The following FBXW11 variants were observed in gnomAD, a reference collection of about 807,000 sequenced individuals.
The protein encoded by FBXW11 is F-box/WD repeat-containing protein 11.
In FBXW11, 19 loss-of-function variants were observed where a neutral mutation model predicts 77.6. The ratio of observed to expected loss-of-function variants is 0.24; its 90% CI spans 0.17 to 0.36. The LOEUF (loss-of-function observed/expected upper bound fraction) is 0.36, where lower values mean the gene tolerates loss of function less well. Ranked by LOEUF, FBXW11 falls within the 10% of genes least tolerant of loss-of-function variation. FBXW11 has a pLI of 1.00. For missense variants in FBXW11, 334 were observed against 704.2 expected (o/e 0.47, Z 5.95); for synonymous variants, 235 against 249.4 (o/e 0.94, Z 0.54).
chr5:171,985,084 C>T (rs1056052898), intron 1 of FBXW11, among the ~76,000 whole-genome samples: 1 of 152,198 alleles, frequency 6.6e-6, no homozygotes, highest in African/African-American at 2.4e-5. Flanking sequence ...CAGTCATCCA[C>T]TCTACATCTA....
chr5:171,878,513 A>ATG (rs1758255258), intron 7 of FBXW11, among the ~76,000 whole-genome samples: 1 of 151,638 alleles, frequency 6.6e-6, no homozygotes, highest in East Asian at 1.9e-4. Context: ...CAGAAGTTAA[A>ATG]AGACCAGCCT....
chr5:171,952,447 A>ATTTT (rs1164383563), intron 2 of FBXW11, among the ~76,000 whole-genome samples: 16 of 6,948 alleles, frequency 2.3e-3, no homozygotes, highest in Non-Finnish European at 3.2e-3. Flanking sequence ...ATATATATAT[A>ATTTT]TTTTTTTTTT....
intron 2 of FBXW11, among the ~76,000 whole-genome samples, chr5:171,944,176 T>C (rs1762883266): frequency 6.6e-6 from 1 of 152,150 alleles, no homozygotes; most frequent in Non-Finnish European, 1.5e-5. Flanking sequence ...ACACTCATTC[T>C]ATTAAGTATA....
chr5:171,884,440 T>C (rs1758741076), intron 7 of FBXW11, among the ~76,000 whole-genome samples: 1 of 152,234 alleles, frequency 6.6e-6, no homozygotes, highest in Non-Finnish European at 1.5e-5. Context: ...TTGGTGACTA[T>C]AAGCACTATA....
chr5:171,993,409 C>G (rs764353210), intron 1 of FBXW11, among the ~76,000 whole-genome samples: 15 of 152,022 alleles, frequency 9.9e-5, no homozygotes, highest in Admixed American at 5.9e-4. Flanking sequence ...GTCAAGAGAT[C>G]GAGACCATCC....
chr5:171,945,093 AAAAC>A (rs756469117), intron 2 of FBXW11, among the ~76,000 whole-genome samples: 1 of 152,242 alleles, frequency 6.6e-6, no homozygotes, highest in Non-Finnish European at 1.5e-5. Flanking sequence ...AGACAGGAGG[AAAAC>A]AAACAAACAT....
At chr5:171,922,339 T>C (rs1202338404) in intron 2 of FBXW11, among the ~76,000 whole-genome samples, 3 of 152,178 alleles carry the variant, frequency 2.0e-5, no homozygotes, top group Non-Finnish European at 4.4e-5. Context: ...CATAGAACAA[T>C]GACTGGTAAA....
intron 1 of FBXW11, among the ~76,000 whole-genome samples, chr5:171,977,389 A>C (rs1267623057): frequency 6.6e-6 from 1 of 152,154 alleles, no homozygotes; most frequent in Non-Finnish European, 1.5e-5. Flanking sequence ...TAAATTACCC[A>C]GTCTCAGGTA....
intron 1 of FBXW11, among the ~76,000 whole-genome samples, chr5:171,996,340 T>A (rs1209443704): frequency 6.6e-6 from 1 of 152,182 alleles, no homozygotes; most frequent in Non-Finnish European, 1.5e-5. Context: ...TATTTCCTAT[T>A]AGACTATGAA....
intron 4 of FBXW11, 55 bp from the exon 5 acceptor site, chr5:171,900,155 C>A: frequency 7.1e-7 from 1 of 1,411,354 alleles, no homozygotes; most frequent in Non-Finnish European, 9.6e-7. Context: ...AAGGTACCAG[C>A]CATCATTTCC....
chr5:171,891,446 A>AT, intron 7 of FBXW11, 21 bp downstream of exon 7: 2 of 1,563,956 alleles, frequency 1.3e-6, no homozygotes, highest in Non-Finnish European at 1.7e-6. Context: ...AAAATAATAC[A>AT]TAAAAAATTC....
intron 2 of FBXW11, among the ~76,000 whole-genome samples, chr5:171,924,123 C>T (rs1761758978): frequency 6.6e-6 from 1 of 151,672 alleles, no homozygotes; most frequent in African/African-American, 2.4e-5. Flanking sequence ...GGAGTTTCAC[C>T]ATGTTGGCCA....
chr5:171,891,640 G>T, intron 6 of FBXW11, 36 bp from the exon 7 acceptor site: 2 of 1,598,534 alleles, frequency 1.3e-6, no homozygotes, highest in Non-Finnish European at 1.7e-6. Context: ...GAGTTTTTAT[G>T]AATCAACTTA....
intron 2 of FBXW11, among the ~76,000 whole-genome samples, chr5:171,929,110 C>A (rs894676147): frequency 1.3e-5 from 2 of 150,196 alleles, no homozygotes; most frequent in Admixed American, 1.3e-4. Flanking sequence ...TGGCTCAAGT[C>A]TGTAATCCCA....
At chr5:171,940,705 C>T (rs1762706395) in intron 2 of FBXW11, among the ~76,000 whole-genome samples, 2 of 152,048 alleles carry the variant, frequency 1.3e-5, no homozygotes, top group South Asian at 4.1e-4. Flanking sequence ...CTGACCAACA[C>T]AGTGAAACCC....
At chr5:171,930,762 T>TAAAAAAAAAAAAAAAAAAAAAAAA (rs59700625) in intron 2 of FBXW11, among the ~76,000 whole-genome samples, 1 of 126,544 alleles carries the variant, frequency 7.9e-6, no homozygotes, top group Non-Finnish European at 1.7e-5. Context: ...AATAAAAAAA[T>TAAAAAAAAAAAAAAAAAAAAAAAA]AAAAAAAAAA....
Position 171,957,680 on chromosome 5 carries a change from A to G in FBXW11, c.64T>C (p.Leu22=), listed in dbSNP as rs777894969. 6.2e-7 allele frequency: 1 copy of G among 1,614,148 alleles called. No individual in the cohort carries two copies. The highest frequency in any genetic ancestry group is 8.5e-7 in the Non-Finnish European group (1 of 1,179,986). ...IELMCSVPRS[L]WLGCANLVES... is the part of the protein sequence containing the mutation. Reference sequence around the variant, plus strand: ...ACCAGGTTGGCGCAGCCTAGCCACAAAGACCTTGGCACAGAACACTGCAGG... The same window carrying G: ...ACCAGGTTGGCGCAGCCTAGCCACAGAGACCTTGGCACAGAACACTGCAGG... The change falls in exon 2 of 14, where the codon TTG becomes CTG. Residue 22 remains leucine, a synonymous_variant. Coordinates refer to ENST00000517395, the MANE Select transcript of FBXW11 (RefSeq NM_001378974.1).
At position 171,869,471 on chromosome 5, in the gene FBXW11, G is replaced by A. The variant is rs905925235; in HGVS notation, c.1530+258C>T. Among the ~76,000 whole-genome samples, 1 of 152,128 alleles carries A rather than the reference G, an allele frequency of 6.6e-6. No homozygotes were observed. The highest frequency in any genetic ancestry group is 2.4e-5 in the African/African-American group (1 of 41,426). ...AAGAAGGAAATATTGCTTGCCCTAT[G>A]AGGAAACCAGTCCACCTACAAATCA... On this transcript the variant is annotated intron_variant, in intron 12 of 13. Coordinates refer to ENST00000517395, the MANE Select transcript of FBXW11 (RefSeq NM_001378974.1). The surrounding 1 kb of genome is among the most constrained non-coding windows in gnomAD (Gnocchi z 4.1).
At chr5:171,901,342 TTCAGAG>T (rs1277558148) in intron 4 of FBXW11, among the ~76,000 whole-genome samples, 2 of 152,200 alleles carry the variant, frequency 1.3e-5, no homozygotes, top group African/African-American at 2.4e-5. Flanking sequence ...TTATTAAACT[TTCAGAG>T]TCAGTTTCCT....
Sources: allele counts gnomAD v4.1 joint callset (sites outside exome capture counted in the v4.1 genomes callset), GRCh38; gene constraint gnomAD v4.1.1; non-coding constraint Gnocchi (gnomAD v3.1); transcripts MANE v1.5; gene names NCBI Gene and HGNC (gene_info 2026-07-23, HGNC 2026-07-21).